Variants in TNFSF4 observed in about 807,000 individuals in gnomAD.
TNFSF4 encodes TNF superfamily member 4.
Under a neutral mutation model 7.3 loss-of-function variants are expected in TNFSF4, and 4 were observed. The ratio of observed to expected loss-of-function variants is 0.55; its 90% confidence interval spans 0.27 to 1.25. The LOEUF (loss-of-function observed/expected upper bound fraction) is 1.25. TNFSF4 is among the 50% of genes most tolerant of loss of function. The probability of loss-of-function intolerance (pLI) is 0.12; values close to 1 mark genes in which losing one functional copy is unlikely to be tolerated. For synonymous variants in TNFSF4, 76 were observed against 83.7 expected (o/e 0.91, Z 0.50); for missense variants, 181 against 208.8 (o/e 0.87, Z 0.82).
chr1:173,395,377 A>T, the TNFSF4 span, among the ~76,000 whole-genome samples: 5 of 63,236 alleles, frequency 7.9e-5, no homozygotes, highest in East Asian at 7.5e-3. Flanking sequence ...CTGTGTATAT[A>T]ATATATATAT....
At chr1:173,194,683 GA>G (rs1649621528) in intron 1 of TNFSF4, among the ~76,000 whole-genome samples, 1 of 151,684 alleles carries the variant, frequency 6.6e-6, no homozygotes, top group Admixed American at 6.6e-5. Flanking sequence ...AGGAGTCCAG[GA>G]CCAGCCTGGA....
the TNFSF4 span, among the ~76,000 whole-genome samples, chr1:173,439,602 T>C: frequency 0.15 from 23,208 of 152,094 alleles, 2,119 homozygotes; most frequent in East Asian, 0.31. Flanking sequence ...AAAGGGACAA[T>C]TGAAGGAAAG....
the TNFSF4 span, among the ~76,000 whole-genome samples, chr1:173,306,120 T>C: frequency 1.3e-5 from 2 of 151,536 alleles, no homozygotes; most frequent in African/African-American, 2.4e-5. Flanking sequence ...CTTATAATCA[T>C]AATTGGAAGG....
At chr1:173,190,954 C>T (rs73038109) in intron 1 of TNFSF4, among the ~76,000 whole-genome samples, 16 of 152,270 alleles carry the variant, frequency 1.1e-4, no homozygotes, top group African/African-American at 3.6e-4. Context: ...ACTAGCTTTC[C>T]ATGATTTAGA....
chr1:173,243,127 A>G, the TNFSF4 span, among the ~76,000 whole-genome samples: 1 of 151,870 alleles, frequency 6.6e-6, no homozygotes, highest in African/African-American at 2.4e-5. Context: ...CCCAGGATCA[A>G]ATAGACCTCT....
At chr1:173,295,724 T>C in the TNFSF4 span, among the ~76,000 whole-genome samples, 1 of 152,030 alleles carries the variant, frequency 6.6e-6, no homozygotes, top group African/African-American at 2.4e-5. Context: ...CGTCATCTTA[T>C]CCCTTCTTAA....
At chr1:173,313,634 G>A in the TNFSF4 span, among the ~76,000 whole-genome samples, 1 of 151,996 alleles carries the variant, frequency 6.6e-6, no homozygotes, top group Non-Finnish European at 1.5e-5. Context: ...TTTTTTGAGA[G>A]GAGCATACTC....
chr1:173,328,572 A>T, the TNFSF4 span, among the ~76,000 whole-genome samples: 1 of 151,912 alleles, frequency 6.6e-6, no homozygotes, highest in Non-Finnish European at 1.5e-5. Context: ...CCCCCCAAAA[A>T]AAAAACCCTA....
At chr1:173,188,705 T>TTTG (rs776294069) in intron 1 of TNFSF4, 136 bp from the exon 2 acceptor site, 85 of 727,228 alleles carry the variant, frequency 1.2e-4, no homozygotes, top group Middle Eastern at 5.5e-4. Context: ...ACTTGACTTT[T>TTTG]TTGTTGTTGT....
At chr1:173,245,873 A>G in the TNFSF4 span, among the ~76,000 whole-genome samples, 1,280 of 152,306 alleles carry the variant, frequency 8.4e-3, 18 homozygotes, top group African/African-American at 0.029. Context: ...TATTCCACTT[A>G]ACATGTCTTC....
At chr1:173,407,559 CAAAA>C in the TNFSF4 span, among the ~76,000 whole-genome samples, 1 of 72,030 alleles carries the variant, frequency 1.4e-5, no homozygotes, top group Non-Finnish European at 2.5e-5. Context: ...GACTCTGCCT[CAAAA>C]AAAAAAAAAA....
the TNFSF4 span, among the ~76,000 whole-genome samples, chr1:173,427,542 C>T: frequency 6.6e-6 from 1 of 151,916 alleles, no homozygotes; most frequent in East Asian, 1.9e-4. Context: ...AGAATGTCAT[C>T]GGGAAAAAAG....
chr1:173,290,230 T>A, the TNFSF4 span, among the ~76,000 whole-genome samples: 164 of 152,210 alleles, frequency 1.1e-3, 1 homozygote, highest in South Asian at 7.9e-3. Flanking sequence ...AGGATCAAAT[T>A]CTCACACATC....
chr1:173,195,245 G>T (rs1384729305), intron 1 of TNFSF4, among the ~76,000 whole-genome samples: 2 of 152,134 alleles, frequency 1.3e-5, no homozygotes, highest in Non-Finnish European at 2.9e-5. Context: ...ATTAATTTTT[G>T]AATAGTTGTC....
At chr1:173,231,576 G>C in the TNFSF4 span, among the ~76,000 whole-genome samples, 2 of 152,196 alleles carry the variant, frequency 1.3e-5, no homozygotes, top group Admixed American at 1.3e-4. Context: ...ATTCAACGTA[G>C]TGTTGGAAGT....
At chr1:173,203,018 A>C (rs2101999448) in intron 1 of TNFSF4, among the ~76,000 whole-genome samples, 1 of 151,998 alleles carries the variant, frequency 6.6e-6, no homozygotes, top group Non-Finnish European at 1.5e-5. Context: ...TTTTGTCCCC[A>C]CCCTGCATCT....
intron 1 of TNFSF4, among the ~76,000 whole-genome samples, chr1:173,194,809 C>A (rs906039342): frequency 6.7e-6 from 1 of 149,256 alleles, no homozygotes; most frequent in African/African-American, 2.5e-5. Context: ...GTGGGAGGAT[C>A]GCTTGAGCCC....
chr1:173,309,636 T>C, the TNFSF4 span, among the ~76,000 whole-genome samples: 1 of 151,618 alleles, frequency 6.6e-6, no homozygotes, highest in Admixed American at 6.6e-5. Flanking sequence ...TAGCTTGTGA[T>C]TTTTTTTCCT....
At chr1:173,420,296 A>G in the TNFSF4 span, among the ~76,000 whole-genome samples, 5 of 152,146 alleles carry the variant, frequency 3.3e-5, no homozygotes, top group South Asian at 2.1e-4. Context: ...GAAACTCGGT[A>G]CCAAGGAGGA....
Sources: allele counts gnomAD v4.1 joint callset (sites outside exome capture counted in the v4.1 genomes callset), GRCh38; gene constraint gnomAD v4.1.1; transcripts MANE v1.5; gene names NCBI Gene and HGNC (gene_info 2026-07-23, HGNC 2026-07-21).